Variants in AKAP6 observed in about 807,000 individuals in gnomAD.
AKAP6 encodes the protein A-kinase anchor protein 6.
In AKAP6, 58 loss-of-function variants were observed where a neutral mutation model predicts 188.5. That is an observed-to-expected ratio of 0.31 (90% CI 0.25 to 0.38). AKAP6 has a LOEUF of 0.38. AKAP6 is among the 10% of genes least tolerant of loss of function. The pLI is 1.00. For missense variants in AKAP6, 2,710 were observed against 2,740.0 expected (o/e 0.99, Z 0.24); for synonymous variants, 989 against 998.6 (o/e 0.99, Z 0.18).
intron 2 of AKAP6, chr14:32,438,977 C>T (rs1190768764): frequency 6.6e-6 from 1 of 152,170 alleles, no homozygotes; most frequent in African/African-American, 2.4e-5. Flanking sequence ...AATGATATGG[C>T]TGGATAACAG....
intron 2 of AKAP6, among the ~76,000 whole-genome samples, chr14:32,456,502 T>G (rs1891150555): frequency 6.6e-6 from 1 of 152,208 alleles, no homozygotes; most frequent in Non-Finnish European, 1.5e-5. Flanking sequence ...CAAAATTTTT[T>G]GTTTTATTAT....
chr14:32,500,603 T>C (rs1410090970), intron 2 of AKAP6, among the ~76,000 whole-genome samples: 2 of 152,154 alleles, frequency 1.3e-5, no homozygotes, highest in African/African-American at 2.4e-5. Flanking sequence ...GTGTAGGTGC[T>C]AATACTACTT....
intron 5 of AKAP6, among the ~76,000 whole-genome samples, chr14:32,589,074 A>G (rs1885371569): frequency 1.3e-5 from 2 of 152,146 alleles, no homozygotes. Flanking sequence ...CAGCATCTCC[A>G]TAGGCAGCCA....
At chr14:32,802,075 A>G (rs2033965854) in intron 12 of AKAP6, among the ~76,000 whole-genome samples, 1 of 152,082 alleles carries the variant, frequency 6.6e-6, no homozygotes, top group South Asian at 2.1e-4. Context: ...ATTCTACTCC[A>G]TCCTTTCTTT....
intron 2 of AKAP6, among the ~76,000 whole-genome samples, chr14:32,503,692 A>T (rs1353012286): frequency 6.6e-6 from 1 of 152,052 alleles, no homozygotes; most frequent in Admixed American, 6.6e-5. Flanking sequence ...ATACTCATGT[A>T]TATATATTTG....
Position 32,735,896 on chromosome 14 carries a change from A to G in AKAP6, c.3372+14A>G, listed in dbSNP as rs2031399313. The stretch of plus-strand genomic sequence containing the variant: ...CAATACTTTAAGGTAATAAAAAAAC[A>G]ATCAAAGTTGATAAAAAGCTCTTTT... On this transcript the variant is annotated intron_variant, in intron 11 of 13. Transcript: ENST00000280979. 1 of 1,560,822 alleles carries G rather than the reference A, an allele frequency of 6.4e-7. No homozygotes were observed. The highest frequency in any genetic ancestry group is 8.7e-7 in the Non-Finnish European group (1 of 1,153,492).
chr14:32,560,686 A>G (rs1021230707), intron 4 of AKAP6, among the ~76,000 whole-genome samples: 2 of 152,204 alleles, frequency 1.3e-5, no homozygotes, highest in African/African-American at 4.8e-5. Flanking sequence ...CAAAAGATGG[A>G]TAAACTCAAC....
At chr14:32,617,470 T>G (rs1349609443) in intron 7 of AKAP6, among the ~76,000 whole-genome samples, 1 of 152,238 alleles carries the variant, frequency 6.6e-6, no homozygotes, top group African/African-American at 2.4e-5. Context: ...AGCTGCATTC[T>G]TCTTAAGGTG....
intron 3 of AKAP6, among the ~76,000 whole-genome samples, chr14:32,542,163 A>G (rs930097720): frequency 5.3e-5 from 8 of 152,332 alleles, no homozygotes; most frequent in African/African-American, 1.9e-4. Context: ...GCTTAGCAAC[A>G]TCAAGCTACT....
At chr14:32,424,289 G>A (rs571564308) in intron 1 of AKAP6, among the ~76,000 whole-genome samples, 1 of 151,900 alleles carries the variant, frequency 6.6e-6, no homozygotes, top group South Asian at 2.1e-4. Flanking sequence ...TAATATGGCA[G>A]CAACTTACCT....
At chr14:32,360,374 G>A (rs942904159) in intron 1 of AKAP6, among the ~76,000 whole-genome samples, 1 of 152,034 alleles carries the variant, frequency 6.6e-6, no homozygotes, top group African/African-American at 2.4e-5. Flanking sequence ...GGATCCGTCC[G>A]CCTTGGCCTC....
Position 32,715,071 on chromosome 14 carries a change from T to A in AKAP6, c.3001-17383T>A, listed in dbSNP as rs1191721134. 2.0e-5 allele frequency among the ~76,000 whole-genome samples: 3 copies of A among 151,914 alleles called. No homozygotes were observed. In the East Asian group the frequency reaches 5.8e-4, roughly 29 times the overall value. ...CTATATGGTCGAAGGCAGATTCATATTTGCTTGAGGAAAAAATGATTACAA... is the reference window on the plus strand; with the variant it reads ...CTATATGGTCGAAGGCAGATTCATAATTGCTTGAGGAAAAAATGATTACAA... On this transcript the variant is annotated intron_variant, in intron 9 of 13. Transcript: ENST00000280979.
intron 7 of AKAP6, among the ~76,000 whole-genome samples, chr14:32,610,045 C>T (rs557051417): frequency 3.4e-4 from 51 of 152,176 alleles, no homozygotes; most frequent in African/African-American, 9.9e-4. Flanking sequence ...TCTATTAATG[C>T]GGTTAGCACT....
intron 5 of AKAP6, among the ~76,000 whole-genome samples, chr14:32,586,219 G>A (rs146813980): frequency 1.5e-4 from 23 of 152,266 alleles, no homozygotes; most frequent in Non-Finnish European, 2.8e-4. Context: ...AAGAAAGGGA[G>A]TAAAAGGTTA....
At chr14:32,540,098 A>G (rs59908674) in intron 3 of AKAP6, among the ~76,000 whole-genome samples, 3,751 of 143,200 alleles carry the variant, frequency 0.026, 156 homozygotes, top group African/African-American at 0.092. Flanking sequence ...TTAGAATTAG[A>G]AAAAAAAAAG....
chr14:32,787,525 A>G (rs1005369765), intron 12 of AKAP6, among the ~76,000 whole-genome samples: 18 of 151,366 alleles, frequency 1.2e-4, no homozygotes, highest in Admixed American at 1.0e-3. Flanking sequence ...CACCCCCCCC[A>G]AAAAAATTAA....
chr14:32,776,538 C>G (rs1214712469), intron 12 of AKAP6, among the ~76,000 whole-genome samples: 1 of 152,186 alleles, frequency 6.6e-6, no homozygotes, highest in Non-Finnish European at 1.5e-5. Context: ...TGAAAACAGA[C>G]TAATACACTG....
chr14:32,683,594 C>T (rs191147204), intron 8 of AKAP6, among the ~76,000 whole-genome samples: 1 of 152,226 alleles, frequency 6.6e-6, no homozygotes, highest in African/African-American at 2.4e-5. Flanking sequence ...GCACTGGGGA[C>T]ATAGAGGCAG....
At chr14:32,525,506 CTG>C (rs1792977007) in intron 2 of AKAP6, among the ~76,000 whole-genome samples, 2 of 152,152 alleles carry the variant, frequency 1.3e-5, no homozygotes, top group Admixed American at 1.3e-4. Context: ...GCTTCCAAGA[CTG>C]TATTCTGCAT....
Sources: allele counts gnomAD v4.1 joint callset (sites outside exome capture counted in the v4.1 genomes callset), GRCh38; gene constraint gnomAD v4.1.1; transcripts MANE v1.5; gene names NCBI Gene and HGNC (gene_info 2026-07-23, HGNC 2026-07-21).